The following HDAC11 variants were observed in gnomAD, a reference collection of about 807,000 sequenced individuals.
HDAC11 encodes histone deacetylase 11.
A neutral mutation model predicts 41.1 loss-of-function variants in HDAC11; 23 were observed. The ratio of observed to expected loss-of-function variants is 0.56; its 90% confidence interval spans 0.40 to 0.79. The LOEUF (loss-of-function observed/expected upper bound fraction) is 0.79. Among genes scored for constraint, HDAC11 ranks in the 30% least tolerant of loss-of-function variants. HDAC11 has a pLI of 0.00. For synonymous variants in HDAC11, 187 were observed against 186.6 expected (o/e 1.00, Z -0.02); for missense variants, 402 against 477.3 (o/e 0.84, Z 1.47).
intron 3 of HDAC11, among the ~76,000 whole-genome samples, chr3:13,489,753 A>G (rs542100749): frequency 1.3e-5 from 2 of 152,082 alleles, no homozygotes; most frequent in African/African-American, 4.8e-5. Flanking sequence ...TTCTTGGTAG[A>G]GATGGGGTTT....
At position 13,504,667 on chromosome 3, in the gene HDAC11, C is replaced by T; in HGVS notation, c.1028C>T (p.Pro343Leu). The change falls in exon 10 of 10, where the codon CCC (proline) becomes CTC (leucine). Residue 343 changes from proline (P) to leucine (L), a missense_variant. Transcript: ENST00000295757. ...CAGAACTCAGACACACCGCTGCTTC[C>T]CCCTGCAGTGCCCTGACCCTTGCTG... ...SAQNSDTPLL[P>L]PAVP is the part of the protein sequence containing the mutation. 6.2e-7 allele frequency: 1 copy of T among 1,613,756 alleles called. No individual in the cohort carries two copies. Among genetic ancestry groups the T allele is most frequent in the Non-Finnish European group, 8.5e-7 (1 of 1,179,948 alleles).
In HDAC11 at chr3:13,502,447, C is replaced by A. The variant is rs1371051286; in HGVS notation, c.553-437C>A. The A allele has an allele frequency of 5.3e-6, 1 of 188,828 alleles. No individual in the cohort carries two copies. Among genetic ancestry groups the A allele is most frequent in the Non-Finnish European group, 1.1e-5 (1 of 90,768 alleles). The allele number at this position is 188,828 out of a possible 1,614,324, so 11.7% of individuals were successfully genotyped here. A position where few individuals can be genotyped will look rare whatever the true frequency, so the allele number is the denominator to read the frequency against. ...TGCCTCTGGTCAGACAGGGAGGGGACCCAGTGGGCTCCGGAAGGCACCCCC... is the reference window on the plus strand; with the variant it reads ...TGCCTCTGGTCAGACAGGGAGGGGAACCAGTGGGCTCCGGAAGGCACCCCC... On this transcript the variant is annotated intron_variant, in intron 7 of 9. Transcript: ENST00000295757. This position sits in a 1 kb window ranked among gnomAD's most constrained non-coding sequence, Gnocchi z 4.1.
chr3:13,484,026 C>T (rs555763214), intron 3 of HDAC11, among the ~76,000 whole-genome samples: 5 of 152,248 alleles, frequency 3.3e-5, no homozygotes, highest in South Asian at 2.1e-4. Flanking sequence ...GATGTGATCT[C>T]GGCTCATTGC....
intron 3 of HDAC11, among the ~76,000 whole-genome samples, chr3:13,490,145 C>T (rs1316009025): frequency 1.3e-5 from 2 of 152,118 alleles, no homozygotes; most frequent in Non-Finnish European, 2.9e-5. Context: ...AGGCGCCCGG[C>T]ACCACGCCTA....
chr3:13,490,553 C>T (rs1381244110), intron 3 of HDAC11, among the ~76,000 whole-genome samples: 1 of 151,968 alleles, frequency 6.6e-6, no homozygotes, highest in African/African-American at 2.4e-5. Context: ...AAATCTTGCA[C>T]CTCTTGGTTA....
intron 3 of HDAC11, 54 bp downstream of exon 3, chr3:13,483,618 C>A: frequency 7.0e-7 from 1 of 1,426,422 alleles, no homozygotes; most frequent in Non-Finnish European, 9.9e-7. Context: ...GGCTGCTGGC[C>A]AGGAGTGGCC....
chr3:13,498,438 G>A, intron 4 of HDAC11, 75 bp from the exon 5 acceptor site: 1 of 1,561,716 alleles, frequency 6.4e-7, no homozygotes, highest in South Asian at 1.1e-5. Flanking sequence ...TTTATGGAAT[G>A]AGTGCATGAA....
Position 13,480,486 on chromosome 3 carries a change from C to A in HDAC11, c.2+137C>A. Reference sequence around the variant, plus strand: ...TTGCTGGTGAGGGGTGAGGGACGCTCGGGACGGGTGTTTCCAGGCCCTCCC... The same window carrying A: ...TTGCTGGTGAGGGGTGAGGGACGCTAGGGACGGGTGTTTCCAGGCCCTCCC... On this transcript the variant is annotated intron_variant, in intron 1 of 9. Transcript: ENST00000295757. The surrounding 1 kb of genome is among the most constrained non-coding windows in gnomAD (Gnocchi z 4.6). 2 of 441,186 alleles carry A rather than the reference C, an allele frequency of 4.5e-6. No homozygotes were observed. The highest frequency in any genetic ancestry group is 1.1e-4 in the South Asian group (1 of 9,192). The allele number at this position is 441,186 out of a possible 1,614,324, so 27.3% of individuals were successfully genotyped here. A position where few individuals can be genotyped will look rare whatever the true frequency, so the allele number is the denominator to read the frequency against.
chr3:13,483,820 T>G (rs1486129772), intron 3 of HDAC11, among the ~76,000 whole-genome samples: 1 of 152,142 alleles, frequency 6.6e-6, no homozygotes, highest in African/African-American at 2.4e-5. Flanking sequence ...ATGAAAGCCT[T>G]CATAGAATTT....
intron 3 of HDAC11, among the ~76,000 whole-genome samples, chr3:13,490,262 G>T (rs1701789034): frequency 6.6e-6 from 1 of 152,112 alleles, no homozygotes; most frequent in Admixed American, 6.5e-5. Context: ...AAAGTGCTGG[G>T]ATTACAGGCA....
intron 3 of HDAC11, among the ~76,000 whole-genome samples, chr3:13,487,518 A>C (rs1701652650): frequency 6.6e-6 from 1 of 152,180 alleles, no homozygotes; most frequent in Non-Finnish European, 1.5e-5. Context: ...CATGTTTATC[A>C]AGCTCCTGCT....
intron 4 of HDAC11, among the ~76,000 whole-genome samples, chr3:13,498,086 C>T (rs1702185316): frequency 1.3e-5 from 2 of 152,004 alleles, no homozygotes; most frequent in Admixed American, 6.6e-5. Flanking sequence ...GAACTCCTGA[C>T]CTCAAGTGAT....
intron 3 of HDAC11, 138 bp from the exon 4 acceptor site, chr3:13,496,598 A>C (rs1015433553): frequency 3.3e-6 from 2 of 611,554 alleles, no homozygotes; most frequent in Non-Finnish European, 5.9e-6. Flanking sequence ...ATTTCTACCA[A>C]AGGAAGTGTG....
chr3:13,500,382 C>G (rs56169648), intron 5 of HDAC11, among the ~76,000 whole-genome samples: 1 of 152,186 alleles, frequency 6.6e-6, no homozygotes, highest in African/African-American at 2.4e-5. Flanking sequence ...TACCACCACT[C>G]CTTCCTGGAG....
intron 3 of HDAC11, among the ~76,000 whole-genome samples, chr3:13,493,622 G>A (rs1039411851): frequency 5.9e-5 from 9 of 152,264 alleles, no homozygotes; most frequent in African/African-American, 1.9e-4. Flanking sequence ...CTGGTCTAGG[G>A]TGTTGGCAAC....
At chr3:13,500,083 G>T (rs997126608) in intron 5 of HDAC11, among the ~76,000 whole-genome samples, 1 of 152,138 alleles carries the variant, frequency 6.6e-6, no homozygotes, top group Non-Finnish European at 1.5e-5. Context: ...GTAGCCTCCT[G>T]GGGGGTGGGA....
In HDAC11 at chr3:13,480,732, C is replaced by CG. The variant is rs1307386097; in HGVS notation, c.2+384dup. 1.6e-5 allele frequency: 8 copies of CG among 486,168 alleles called. No homozygotes were observed. In the Admixed American group the frequency reaches 1.9e-4, roughly 12 times the overall value. The allele number at this position is 486,168 out of a possible 1,614,324, so 30.1% of individuals were successfully genotyped here. A position where few individuals can be genotyped will look rare whatever the true frequency, so the allele number is the denominator to read the frequency against. On this transcript the variant is annotated intron_variant, in intron 1 of 9. Transcript: ENST00000295757. The surrounding 1 kb of genome is among the most constrained non-coding windows in gnomAD (Gnocchi z 4.6). ...AGGGTGTGATGGGAAGGGTTAGCAG[C>CG]GCAGCGGGGTCAGGGGATCCCCGCC...
chr3:13,503,037 C>T (rs1166149460), intron 8 of HDAC11, 57 bp downstream of exon 8: 1 of 1,310,104 alleles, frequency 7.6e-7, no homozygotes, highest in Non-Finnish European at 1.1e-6. Flanking sequence ...AGGCTCTCTC[C>T]TGAGTGTCTC....
intron 6 of HDAC11, 127 bp from the exon 7 acceptor site, chr3:13,501,744 G>C: frequency 1.2e-6 from 1 of 802,618 alleles, no homozygotes. Flanking sequence ...CATCTTTGCT[G>C]GGTGGCCTGA....
Sources: gnomAD v4.1 joint callset for allele counts (sites outside exome capture counted in the v4.1 genomes callset) on GRCh38, gnomAD v4.1.1 for gene constraint, Gnocchi (gnomAD v3.1) non-coding constraint, MANE v1.5 for transcripts, NCBI Gene and HGNC (gene_info 2026-07-23, HGNC 2026-07-21) for gene names.